Variants in SPTLC3 observed in about 807,000 individuals in gnomAD.
The protein encoded by SPTLC3 is serine palmitoyltransferase long chain base subunit 3, also known as serine palmitoyltransferase 3.
In SPTLC3, 36 loss-of-function variants were observed where a neutral mutation model predicts 59.3. The observed-to-expected ratio is 0.61, with a 90% CI of 0.47 to 0.80. SPTLC3 has a LOEUF of 0.80. Ranked by LOEUF, SPTLC3 falls within the 30% of genes least tolerant of loss-of-function variation. The probability of loss-of-function intolerance (pLI) is 0.00; values close to 1 mark genes in which losing one functional copy is unlikely to be tolerated. For synonymous variants in SPTLC3, 257 were observed against 240.8 expected (o/e 1.07, Z -0.62); for missense variants, 625 against 685.1 (o/e 0.91, Z 0.98).
intron 2 of SPTLC3, among the ~76,000 whole-genome samples, chr20:13,061,460 G>A (rs915243788): frequency 5.3e-5 from 8 of 152,194 alleles, no homozygotes; most frequent in Non-Finnish European, 1.0e-4. Context: ...CACGGGACAG[G>A]TGTCTGGGTT....
At position 13,167,106 on chromosome 20, in the gene SPTLC3, G is replaced by C. The variant is rs1376564806; in HGVS notation, c.*2239G>C. 6.6e-6 allele frequency: 1 copy of C among 152,186 alleles called. No individual in the cohort carries two copies. Among genetic ancestry groups the C allele is most frequent in the East Asian group, 1.9e-4 (1 of 5,198 alleles). The allele number at this position is 152,186 out of a possible 1,614,324, so 9.4% of individuals were successfully genotyped here. A position where few individuals can be genotyped will look rare whatever the true frequency, so the allele number is the denominator to read the frequency against. On this transcript the variant is annotated 3_prime_UTR_variant, in exon 12 of 12. Transcript: ENST00000399002. ...AGTAGAATGCTTCCACAGTGCATTA[G>C]AAGGTGCCCAAGCTCCACAGGGCCA...
chr20:13,056,875 G>GGGA (rs1292944076), intron 2 of SPTLC3, among the ~76,000 whole-genome samples: 2 of 151,812 alleles, frequency 1.3e-5, no homozygotes, highest in Non-Finnish European at 2.9e-5. Context: ...TCAAGTAGAT[G>GGGA]GGACTACAGG....
intron 1 of SPTLC3, among the ~76,000 whole-genome samples, chr20:13,034,744 C>G (rs1389227352): frequency 1.3e-5 from 2 of 151,830 alleles, no homozygotes; most frequent in African/African-American, 4.8e-5. Flanking sequence ...AATAGTGTAT[C>G]ATTTGCGTCA....
intron 4 of SPTLC3, among the ~76,000 whole-genome samples, chr20:13,083,918 T>C (rs1429591381): frequency 1.3e-5 from 2 of 152,184 alleles, no homozygotes; most frequent in African/African-American, 2.4e-5. Flanking sequence ...CTGTCCTATG[T>C]TGGAGACTGA....
intron 5 of SPTLC3, 79 bp downstream of exon 5, chr20:13,091,286 A>G: frequency 1.3e-6 from 2 of 1,541,014 alleles, no homozygotes; most frequent in African/African-American, 1.4e-5. Flanking sequence ...TGTTAGAAGT[A>G]TGGCTGAGAT....
At chr20:13,148,883 C>T (rs1251724320) in intron 9 of SPTLC3, among the ~76,000 whole-genome samples, 1 of 152,214 alleles carries the variant, frequency 6.6e-6, no homozygotes, top group Non-Finnish European at 1.5e-5. Context: ...GGCAATTCCC[C>T]TTTCAACGAC....
intron 4 of SPTLC3, among the ~76,000 whole-genome samples, 175 bp downstream of exon 4, chr20:13,074,672 T>C (rs1204181097): frequency 6.6e-6 from 1 of 152,178 alleles, no homozygotes; most frequent in Non-Finnish European, 1.5e-5. Context: ...TGCCAGGCAG[T>C]TTATTAATTG....
chr20:13,080,867 T>C (rs1485660595), intron 4 of SPTLC3, among the ~76,000 whole-genome samples: 4 of 152,200 alleles, frequency 2.6e-5, no homozygotes, highest in Non-Finnish European at 4.4e-5. Context: ...CTAATAATGA[T>C]AAAGTTAGGG....
chr20:13,088,696 G>A (rs187091772), intron 4 of SPTLC3, among the ~76,000 whole-genome samples: 22 of 148,468 alleles, frequency 1.5e-4, no homozygotes, highest in East Asian at 6.0e-4. Flanking sequence ...TCAGCTCACC[G>A]CAACCTCTGC....
In SPTLC3 at chr20:13,167,860, C is replaced by G. The variant is rs1233558772; in HGVS notation, c.*2993C>G. 1 of 152,116 alleles carries G rather than the reference C, an allele frequency of 6.6e-6. No homozygotes were observed. The highest frequency in any genetic ancestry group is 6.5e-5 in the Admixed American group (1 of 15,274). 9.4% of individuals were successfully genotyped at this position (152,116 alleles called of 1,614,324 possible). ...CCTTCCTGCGTGATTCTAATCTATGCCAAAATTTAAGAACATTATTCAAAC... is the reference window on the plus strand; with the variant it reads ...CCTTCCTGCGTGATTCTAATCTATGGCAAAATTTAAGAACATTATTCAAAC... On this transcript the variant is annotated 3_prime_UTR_variant, in exon 12 of 12. Coordinates refer to ENST00000399002, the MANE Select transcript of SPTLC3 (RefSeq NM_018327.4).
chr20:13,122,442 C>A (rs6078925), intron 8 of SPTLC3, among the ~76,000 whole-genome samples: 45,145 of 152,046 alleles, frequency 0.3, 6,917 homozygotes, highest in Admixed American at 0.34. Context: ...TGGACCCCCT[C>A]ACACCACACC....
chr20:13,150,288 C>T (rs6041904), intron 9 of SPTLC3, among the ~76,000 whole-genome samples: 5,817 of 152,226 alleles, frequency 0.038, 163 homozygotes, highest in African/African-American at 0.08. Context: ...TGTAAACATA[C>T]AAGTTTCCAA....
At chr20:13,045,859 A>G (rs1335758651) in intron 1 of SPTLC3, among the ~76,000 whole-genome samples, 2 of 152,016 alleles carry the variant, frequency 1.3e-5, no homozygotes, top group Admixed American at 6.6e-5. Context: ...CTCAGAGCCA[A>G]TTCAAGCAGA....
intron 1 of SPTLC3, among the ~76,000 whole-genome samples, chr20:13,022,146 C>T (rs1985918430): frequency 6.6e-6 from 1 of 152,176 alleles, no homozygotes; most frequent in Admixed American, 6.5e-5. Flanking sequence ...CTCTATCCTT[C>T]TTGTGGCTCA....
chr20:13,025,340 C>A (rs1986090686), intron 1 of SPTLC3, among the ~76,000 whole-genome samples: 2 of 152,152 alleles, frequency 1.3e-5, no homozygotes, highest in African/African-American at 4.8e-5. Flanking sequence ...TAACCTCACC[C>A]TACAGCCTTA....
intron 10 of SPTLC3, among the ~76,000 whole-genome samples, chr20:13,156,905 G>GA (rs200397887): frequency 0.012 from 1,827 of 152,148 alleles, 16 homozygotes; most frequent in Non-Finnish European, 0.017. Flanking sequence ...AAAATGTCCA[G>GA]AAAAAATAGT....
chr20:13,054,224 G>C lies in SPTLC3; in HGVS notation c.303+5094G>C, dbSNP rs1227151240. 2.0e-5 allele frequency among the ~76,000 whole-genome samples: 3 copies of C among 152,146 alleles called. No individual in the cohort carries two copies. In the East Asian group the frequency reaches 5.8e-4, roughly 29 times the overall value. On this transcript the variant is annotated intron_variant, in intron 2 of 11. Transcript: ENST00000399002. Reference sequence around the variant, plus strand: ...TTGTGAATGAGAGTGGGAGTATGTGGGCAGAAAGACTGCTGAGAGGCAAGC... The same window carrying C: ...TTGTGAATGAGAGTGGGAGTATGTGCGCAGAAAGACTGCTGAGAGGCAAGC...
intron 9 of SPTLC3, among the ~76,000 whole-genome samples, chr20:13,142,342 G>C (rs773212536): frequency 1.8e-4 from 27 of 152,212 alleles, no homozygotes; most frequent in Non-Finnish European, 3.1e-4. Context: ...TGGACCCTGA[G>C]ATGGGGGAGT....
At chr20:13,031,208 C>G (rs918466482) in intron 1 of SPTLC3, among the ~76,000 whole-genome samples, 1 of 152,164 alleles carries the variant, frequency 6.6e-6, no homozygotes, top group Non-Finnish European at 1.5e-5. Context: ...TGGAAATGCT[C>G]TATAAATGTC....
Sources: gnomAD v4.1 joint callset for allele counts (sites outside exome capture counted in the v4.1 genomes callset) on GRCh38, gnomAD v4.1.1 for gene constraint, MANE v1.5 for transcripts, NCBI Gene and HGNC (gene_info 2026-07-23, HGNC 2026-07-21) for gene names.